The following RTL3 variants were observed in gnomAD, a reference collection of about 807,000 sequenced individuals.
The protein encoded by RTL3 is retrotransposon Gag-like protein 3.
For missense variants in RTL3, 468 were observed against 341.8 expected (o/e 1.37, Z -2.91); for synonymous variants, 181 against 132.2 (o/e 1.37, Z -2.53).
At position 78,656,774 on chromosome X, in the gene RTL3, C is replaced by T; in HGVS notation, c.*219G>A. Reference sequence around the variant, plus strand: ...ATAAGTGGATGGCCGTCGACAGTTTCCAGCATCAGAGGGAAGATATTACTG... The same window carrying T: ...ATAAGTGGATGGCCGTCGACAGTTTTCAGCATCAGAGGGAAGATATTACTG... On this transcript the variant is annotated 3_prime_UTR_variant, in exon 2 of 2. Transcript: ENST00000321110. The T allele has an allele frequency of 2.4e-6, 1 of 409,176 alleles. No individual in the cohort carries two copies. The highest frequency in any genetic ancestry group is 4.0e-5 in the East Asian group (1 of 25,204). 33.7% of individuals were successfully genotyped at this position (409,176 alleles called of 1,213,427 possible).
In RTL3 at chrX:78,657,576, C is replaced by T; in HGVS notation, c.845G>A (p.Cys282Tyr). 1 of 1,206,697 alleles carries T rather than the reference C, an allele frequency of 8.3e-7. No homozygotes were observed. The highest frequency in any genetic ancestry group is 1.1e-6 in the Non-Finnish European group (1 of 892,737). ...CCACCATCCTGCCCTACCTGAGAAG[C>T]AATTGCCAACAAAGCTCACCAGGGC... ...EAALVSFVGN[C>Y]FSGRAGWWFQ... Residue 282 changes from cysteine to tyrosine, a missense_variant, in exon 2 of 2, where the codon TGC (cysteine) becomes TAC (tyrosine). Transcript: ENST00000321110.
chrX:78,656,247 T>C lies in RTL3; in HGVS notation c.*746A>G, dbSNP rs1305762861. ...CTAATATCTATTCTCATGTGTATTGTTAGTATAATTGTAATTAAAACAGTT... is the reference window on the plus strand; with the variant it reads ...CTAATATCTATTCTCATGTGTATTGCTAGTATAATTGTAATTAAAACAGTT... On this transcript the variant is annotated 3_prime_UTR_variant, in exon 2 of 2. Coordinates refer to ENST00000321110, the MANE Select transcript of RTL3 (RefSeq NM_152694.3). 8.9e-6 allele frequency: 1 copy of C among 111,817 alleles called. No homozygotes were observed. Among genetic ancestry groups the C allele is most frequent in the Non-Finnish European group, 1.9e-5 (1 of 53,164 alleles). 9.2% of individuals were successfully genotyped at this position (111,817 alleles called of 1,213,427 possible).
rs1043334988 is a variant in RTL3 at position 78,658,378 on chromosome X, C to T, written c.43G>A (p.Glu15Lys). The T allele has an allele frequency of 1.7e-6, 2 of 1,210,480 alleles. No homozygotes were observed. Among genetic ancestry groups the T allele is most frequent in the Non-Finnish European group, 2.2e-6 (2 of 895,041 alleles). The change falls in exon 2 of 2, where the codon GAG (glutamate) becomes AAG (lysine). Residue 15 changes from glutamate to lysine, a missense_variant. Glu to Lys is a moderately conservative substitution (Grantham distance 56). Coordinates refer to ENST00000321110, the MANE Select transcript of RTL3 (RefSeq NM_152694.3). The part of the protein sequence containing the change: ...LAASYIVLKL[E>K]NEIRQAQVQW... Reference sequence around the variant, plus strand: ...ACTTGAGCCTGCCGAATTTCATTCTCCAATTTCAGAACAATATAGGAGGCT... The same window carrying T: ...ACTTGAGCCTGCCGAATTTCATTCTTCAATTTCAGAACAATATAGGAGGCT...
chrX:78,657,354 G>T lies in RTL3; in HGVS notation c.1067C>A (p.Thr356Asn), dbSNP rs771346405. 4.1e-6 allele frequency: 5 copies of T among 1,211,920 alleles called. No homozygotes were observed. The East Asian group carries it at 1.5e-4, about 36-fold the overall frequency. ...IAQELNWDES[T>N]LWIQFQEGLA... ...ACCTTCTTGAAATTGGATCCAGAGA[G>T]TGCTTTCATCCCAGTTCAGCTCTTG... Residue 356 changes from threonine (T) to asparagine (N), a missense_variant, in exon 2 of 2, where the codon ACT becomes AAT. Transcript: ENST00000321110.
In RTL3 at chrX:78,657,289, G is replaced by C; in HGVS notation, c.1132C>G (p.Pro378Ala). 8.3e-7 allele frequency: 1 copy of C among 1,211,797 alleles called. No individual in the cohort carries two copies. Among genetic ancestry groups the C allele is most frequent in the Non-Finnish European group, 1.1e-6 (1 of 895,524 alleles). The change falls in exon 2 of 2, where the codon CCA becomes GCA. Residue 378 changes from proline to alanine, a missense_variant. Physicochemically the swap from Pro to Ala is conservative, Grantham distance 27. Transcript: ENST00000321110. ...ATGAGATCAGATAGGTTGGTGGCTG[G>C]GCTTGTGTGAGACAGTTCATCTTGT... ...SIQDELSHTS[P>A]ATNLSDLITQ...
Position 78,657,436 on chromosome X carries a change from T to A in RTL3, c.985A>T (p.Ile329Phe). The A allele has an allele frequency of 5.8e-6, 7 of 1,211,246 alleles. No homozygotes were observed. Among genetic ancestry groups the A allele is most frequent in the Non-Finnish European group, 7.8e-6 (7 of 895,183 alleles). ...PENMKDANQCIHQLCQGEGHV... is the reference protein window; with the variant it reads ...PENMKDANQCFHQLCQGEGHV... ...CCCTCCCCTTGGCAGAGTTGATGGA[T>A]GCACTGGTTGGCATCTTTCATGTTT... is the stretch of plus-strand genomic sequence containing the variant. The change falls in exon 2 of 2, where the codon ATC becomes TTC. Residue 329 changes from isoleucine (I) to phenylalanine (F), a missense_variant. Ile to Phe is a conservative substitution (Grantham distance 21, BLOSUM62 0). Transcript: ENST00000321110.
rs752633678 is a variant in RTL3 at position 78,657,981 on chromosome X, G to A, written c.440C>T (p.Ala147Val). The change falls in exon 2 of 2, where the codon GCC becomes GTC. Residue 147 changes from alanine (A) to valine (V), a missense_variant. Coordinates refer to ENST00000321110, the MANE Select transcript of RTL3 (RefSeq NM_152694.3). ...EGQGPANTQD[A>V]TIAQEPKNSE... ...ATTCTTGGGCTCTTGGGCTATTGTG[G>A]CATCCTGGGTGTTTGCAGGCCCCTG... The A allele has an allele frequency of 7.0e-5, 84 of 1,200,492 alleles. No homozygotes were observed. Among genetic ancestry groups the A allele is most frequent in the Non-Finnish European group, 9.3e-5 (83 of 892,384 alleles).
Position 78,658,522 on chromosome X carries a change from C to T in RTL3, c.-102G>A. The T allele has an allele frequency of 1.2e-6, 1 of 838,372 alleles. No homozygotes were observed. The highest frequency in any genetic ancestry group is 1.6e-6 in the Non-Finnish European group (1 of 612,528). 69.1% of individuals were successfully genotyped at this position (838,372 alleles called of 1,213,427 possible). On this transcript the variant is annotated 5_prime_UTR_variant, in exon 2 of 2. Coordinates refer to ENST00000321110, the MANE Select transcript of RTL3 (RefSeq NM_152694.3). The stretch of plus-strand genomic sequence containing the variant: ...AAGCTGCTTACAGGCAGATGTCAGG[C>T]TCAGTGAGTTTTCCAAGGGGTGGTA...
rs746590555 is a variant in RTL3, at chrX:78,656,493, C to T, written c.*500G>A. On this transcript the variant is annotated 3_prime_UTR_variant, in exon 2 of 2. Coordinates refer to ENST00000321110, the MANE Select transcript of RTL3 (RefSeq NM_152694.3). ...GTTGCCAGGAACAGTCACTAGGACACAGGATCTACCCAGAAATTATTTCAT... is the reference window on the plus strand; with the variant it reads ...GTTGCCAGGAACAGTCACTAGGACATAGGATCTACCCAGAAATTATTTCAT... The T allele has an allele frequency of 3.5e-5, 4 of 115,336 alleles. No homozygotes were observed. The highest frequency in any genetic ancestry group is 9.0e-5 in the Admixed American group (1 of 11,140). The allele number at this position is 115,336 out of a possible 1,213,427, so 9.5% of individuals were successfully genotyped here.
rs780718784 is a variant in RTL3, at chrX:78,657,017, C to T, written c.1404G>A (p.Ala468=). The T allele has an allele frequency of 2.1e-5, 25 of 1,208,365 alleles. No homozygotes were observed. Among genetic ancestry groups the T allele is most frequent in the Middle Eastern group, 4.7e-4 (2 of 4,266 alleles). The change falls in exon 2 of 2, where the codon GCG becomes GCA. Residue 468 remains alanine, a synonymous_variant. Coordinates refer to ENST00000321110, the MANE Select transcript of RTL3 (RefSeq NM_152694.3). ...CTTACTGGCAGGCCTGGATGTTTCC[C>T]GCCTGCAGGGCCTGATGAGGCTTGA... ...CPVKPHQALQ[A]GNIQACQ
chrX:78,657,693 GT>G lies in RTL3; in HGVS notation c.727del (p.Thr243ProfsTer20). The G allele has an allele frequency of 4.1e-6, 5 of 1,210,241 alleles. No individual in the cohort carries two copies. Among genetic ancestry groups the G allele is most frequent in the Non-Finnish European group, 4.5e-6 (4 of 894,868 alleles). On this transcript the variant is annotated frameshift_variant, in exon 2 of 2. Coordinates refer to ENST00000321110, the MANE Select transcript of RTL3 (RefSeq NM_152694.3). LOFTEE classifies it low-confidence loss of function (END_TRUNC). ...ATDFPLQYTL[T>X]FSGDSQKLPE... ...AAGCTTCTGGGAATCTCCACTGAAG[GT>G]TAAAGTGTATTGCAGGGGGAAATCT... is the stretch of plus-strand genomic sequence containing the variant.
Position 78,657,407 on chromosome X carries a change from A to G in RTL3, c.1014T>C (p.His338=), listed in dbSNP as rs1923022430. ...CIHQLCQGEG[H]VATHFHLIAQ... is the part of the protein sequence containing the mutation. ...CAATGAGGTGGAAGTGGGTTGCTACATGACCCTCCCCTTGGCAGAGTTGAT... is the reference window on the plus strand; with the variant it reads ...CAATGAGGTGGAAGTGGGTTGCTACGTGACCCTCCCCTTGGCAGAGTTGAT... Residue 338 remains histidine, a synonymous_variant, in exon 2 of 2, where the codon CAT becomes CAC. Transcript: ENST00000321110. The G allele has an allele frequency of 8.3e-7, 1 of 1,211,916 alleles. No individual in the cohort carries two copies. Among genetic ancestry groups the G allele is most frequent in the Non-Finnish European group, 1.1e-6 (1 of 895,514 alleles).
In RTL3 at chrX:78,659,321, G is replaced by A. The variant is rs1923089431; in HGVS notation, c.-289C>T. ...TGTACCCATTGCTGAGGAGGGAAAT[G>A]TGTAAATGGCTGTGGAGGCTTGCCT... On this transcript the variant is annotated 5_prime_UTR_variant, in exon 1 of 2. Transcript: ENST00000321110. The A allele has an allele frequency of 9.0e-6, 1 of 111,027 alleles. No homozygotes were observed. The highest frequency in any genetic ancestry group is 9.6e-5 in the Admixed American group (1 of 10,402). The allele number at this position is 111,027 out of a possible 1,213,427, so 9.1% of individuals were successfully genotyped here.
chrX:78,658,025 G>A lies in RTL3; in HGVS notation c.396C>T (p.Ile132=), dbSNP rs768370273. The A allele has an allele frequency of 4.3e-6, 5 of 1,168,808 alleles. No individual in the cohort carries two copies. The African/African-American group carries it at 7.3e-5, about 17-fold the overall frequency. The change falls in exon 2 of 2, where the codon ATC becomes ATT. Residue 132 remains isoleucine (I), a synonymous_variant. Coordinates refer to ENST00000321110, the MANE Select transcript of RTL3 (RefSeq NM_152694.3). Reference sequence around the variant, plus strand: ...GCCCCTGGCCCTCCAAGACTGTTGGGATCTCATGGGCCATTGGAGGTTTCT... The same window carrying A: ...GCCCCTGGCCCTCCAAGACTGTTGGAATCTCATGGGCCATTGGAGGTTTCT... ...ESQKPPMAHE[I]PTVLEGQGPA...
rs1360212071 is a variant in RTL3 at position 78,657,428 on chromosome X, T to A, written c.993A>T (p.Gln331His). Residue 331 changes from glutamine (Q) to histidine (H), a missense_variant, in exon 2 of 2, where the codon CAA becomes CAT. Gln to His is a conservative substitution (Grantham distance 24). Coordinates refer to ENST00000321110, the MANE Select transcript of RTL3 (RefSeq NM_152694.3). ...NMKDANQCIH[Q>H]LCQGEGHVAT... The stretch of plus-strand genomic sequence containing the variant: ...CTACATGACCCTCCCCTTGGCAGAG[T>A]TGATGGATGCACTGGTTGGCATCTT... 7 of 1,211,244 alleles carry A rather than the reference T, an allele frequency of 5.8e-6. No individual in the cohort carries two copies. Among genetic ancestry groups the A allele is most frequent in the Non-Finnish European group, 7.8e-6 (7 of 895,272 alleles).
Position 78,658,030 on chromosome X carries a change from C to G in RTL3, c.391G>C (p.Glu131Gln), listed in dbSNP as rs1330265196. The change falls in exon 2 of 2, where the codon GAG (glutamate) becomes CAG (glutamine). Residue 131 changes from glutamate (E) to glutamine (Q), a missense_variant. Glu to Gln is a conservative substitution (Grantham distance 29, BLOSUM62 2). Coordinates refer to ENST00000321110, the MANE Select transcript of RTL3 (RefSeq NM_152694.3). ...RESQKPPMAH[E>Q]IPTVLEGQGP... ...TGGCCCTCCAAGACTGTTGGGATCT[C>G]ATGGGCCATTGGAGGTTTCTGGGAC... 1 of 1,167,413 alleles carries G rather than the reference C, an allele frequency of 8.6e-7. No individual in the cohort carries two copies. Among genetic ancestry groups the G allele is most frequent in the Admixed American group, 2.8e-5 (1 of 36,220 alleles).
At position 78,658,585 on chromosome X, in the gene RTL3, GGGAGCCTCCGGAGCTCGGCAAGAA is replaced by G. The variant is rs1923071019; in HGVS notation, c.-189_-166del. The G allele has an allele frequency of 6.7e-6, 3 of 446,906 alleles. No homozygotes were observed. Among genetic ancestry groups the G allele is most frequent in the Non-Finnish European group, 7.3e-6 (2 of 273,371 alleles). 36.8% of individuals were successfully genotyped at this position (446,906 alleles called of 1,213,427 possible). A position where few individuals can be genotyped will look rare whatever the true frequency, so the allele number is the denominator to read the frequency against. ...CAAGGCTGATTATCAAGAGGTCACT[GGGAGCCTCCGGAGCTCGGCAAGAA>G]GGAGCCTCCGGAGCTCAGTAAGGGG... On this transcript the variant is annotated 5_prime_UTR_variant, in exon 2 of 2. Coordinates refer to ENST00000321110, the MANE Select transcript of RTL3 (RefSeq NM_152694.3).
chrX:78,657,008 G>T lies in RTL3; in HGVS notation c.1413C>A (p.Ile471=), dbSNP rs1923005364. The T allele has an allele frequency of 8.3e-7, 1 of 1,207,370 alleles. No homozygotes were observed. Residue 471 remains isoleucine, a synonymous_variant, in exon 2 of 2, where the codon ATC becomes ATA. Transcript: ENST00000321110. ...KPHQALQAGN[I]QACQ Reference sequence around the variant, plus strand: ...GGGGTCCCCCTTACTGGCAGGCCTGGATGTTTCCCGCCTGCAGGGCCTGAT... The same window carrying T: ...GGGGTCCCCCTTACTGGCAGGCCTGTATGTTTCCCGCCTGCAGGGCCTGAT...
chrX:78,656,877 C>T lies in RTL3; in HGVS notation c.*116G>A. On this transcript the variant is annotated 3_prime_UTR_variant, in exon 2 of 2. Transcript: ENST00000321110. ...AGGAGCCTGAATCTACCATTGCTTGCTCAAAGAATTATCTTCTTCCCAGTT... is the reference window on the plus strand; with the variant it reads ...AGGAGCCTGAATCTACCATTGCTTGTTCAAAGAATTATCTTCTTCCCAGTT... The T allele has an allele frequency of 1.3e-6, 1 of 798,155 alleles. No homozygotes were observed. The highest frequency in any genetic ancestry group is 1.7e-6 in the Non-Finnish European group (1 of 577,507). The allele number at this position is 798,155 out of a possible 1,213,427, so 65.8% of individuals were successfully genotyped here. A position where few individuals can be genotyped will look rare whatever the true frequency, so the allele number is the denominator to read the frequency against.
Sources: allele counts gnomAD v4.1 joint callset, GRCh38; gene constraint gnomAD v4.1.1; transcripts MANE v1.5; gene names NCBI Gene and HGNC (gene_info 2026-07-23, HGNC 2026-07-21).